Variants in ARHGAP6 observed in about 807,000 individuals in gnomAD.
The protein encoded by ARHGAP6 is rho GTPase-activating protein 6.
Under a neutral mutation model 55.7 loss-of-function variants are expected in ARHGAP6, and 16 were observed. The ratio of observed to expected loss-of-function variants is 0.29; its 90% CI spans 0.19 to 0.44. The LOEUF is 0.44. ARHGAP6 is among the 20% of genes least tolerant of loss of function. ARHGAP6 has a pLI of 1.00. For synonymous variants in ARHGAP6, 382 were observed against 360.9 expected (o/e 1.06, Z -0.66); for missense variants, 698 against 808.9 (o/e 0.86, Z 1.66).
At chrX:11,402,880 C>T (rs1451173930) in intron 1 of ARHGAP6, among the ~76,000 whole-genome samples, 2 of 111,390 alleles carry the variant, frequency 1.8e-5, no homozygotes, top group Non-Finnish European at 3.8e-5. Context: ...TATGTAACTC[C>T]AGATGAAGAT....
At chrX:11,189,335 C>T (rs1312291210) in intron 3 of ARHGAP6, among the ~76,000 whole-genome samples, 2 of 111,834 alleles carry the variant, frequency 1.8e-5, no homozygotes, top group Non-Finnish European at 3.8e-5. Context: ...AGTCCTTTCT[C>T]CTGAGGTGTT....
At position 11,138,558 on chromosome X, in the gene ARHGAP6, G is replaced by A. The variant is rs1480358730; in HGVS notation, c.*305C>T. On this transcript the variant is annotated 3_prime_UTR_variant, in exon 13 of 13. Transcript: ENST00000337414. The stretch of plus-strand genomic sequence containing the variant: ...TCAAAACCGAAGACACATAAATACG[G>A]TTAGGCTATACCAAGCAAGAGTTGT... 3 of 340,000 alleles carry A rather than the reference G, an allele frequency of 8.8e-6. No homozygotes were observed. Among genetic ancestry groups the A allele is most frequent in the Non-Finnish European group, 5.0e-6 (1 of 198,232 alleles). The allele number at this position is 340,000 out of a possible 1,213,427, so 28.0% of individuals were successfully genotyped here.
intron 10 of ARHGAP6, among the ~76,000 whole-genome samples, chrX:11,153,158 T>C (rs764442600): frequency 8.1e-5 from 9 of 111,748 alleles, no homozygotes; most frequent in African/African-American, 2.9e-4. Flanking sequence ...TTCAGATTCA[T>C]AGACTACCTC....
chrX:11,419,159 C>A (rs1175133314), intron 1 of ARHGAP6, among the ~76,000 whole-genome samples: 1 of 112,223 alleles, frequency 8.9e-6, no homozygotes, highest in African/African-American at 3.2e-5. Context: ...GCCAAGGCTG[C>A]AAGTCAGTGG....
At chrX:11,466,706 G>A (rs2050296815) in intron 1 of ARHGAP6, among the ~76,000 whole-genome samples, 1 of 111,078 alleles carries the variant, frequency 9.0e-6, no homozygotes, top group Admixed American at 9.6e-5. Flanking sequence ...GTCTCTCTAT[G>A]TTGCCCACAC....
intron 2 of ARHGAP6, among the ~76,000 whole-genome samples, chrX:11,242,469 A>T (rs770489862): frequency 9.0e-6 from 1 of 111,710 alleles, no homozygotes; most frequent in East Asian, 2.8e-4. Context: ...CAAAGCTTTC[A>T]GCACATGTCT....
intron 1 of ARHGAP6, chrX:11,298,757 C>T (rs989305082): frequency 8.3e-7 from 1 of 1,211,071 alleles, no homozygotes; most frequent in Admixed American, 2.2e-5. Flanking sequence ...ACCAGCCAAA[C>T]CTCCCTCCGC....
intron 12 of ARHGAP6, among the ~76,000 whole-genome samples, chrX:11,141,262 A>C (rs1031817464): frequency 8.9e-6 from 1 of 112,287 alleles, no homozygotes; most frequent in African/African-American, 3.2e-5. Flanking sequence ...ATGAAATGAC[A>C]TTAAAAAGAA....
chrX:11,386,154 G>C (rs2049325773), intron 1 of ARHGAP6, among the ~76,000 whole-genome samples: 1 of 113,046 alleles, frequency 8.8e-6, no homozygotes, highest in African/African-American at 3.2e-5. Flanking sequence ...ACACTTTGCT[G>C]AGTTGTGGGA....
At chrX:11,404,673 G>C (rs1327986694) in intron 1 of ARHGAP6, among the ~76,000 whole-genome samples, 3 of 111,368 alleles carry the variant, frequency 2.7e-5, no homozygotes, top group African/African-American at 9.8e-5. Flanking sequence ...AAAGGATACT[G>C]CTTTGGGTAA....
At chrX:11,263,406 A>G (rs188208937) in intron 1 of ARHGAP6, among the ~76,000 whole-genome samples, 10 of 111,602 alleles carry the variant, frequency 9.0e-5, no homozygotes, top group African/African-American at 3.3e-4. Context: ...TTCTTTATAA[A>G]TTACGCAGTC....
chrX:11,293,321 GT>G (rs1357351099), intron 1 of ARHGAP6: 1 of 111,758 alleles, frequency 8.9e-6, no homozygotes, highest in Non-Finnish European at 1.9e-5. Flanking sequence ...GGGATTTTTA[GT>G]TATACTCAAC....
intron 1 of ARHGAP6, among the ~76,000 whole-genome samples, chrX:11,500,967 G>T (rs1400958623): frequency 9.1e-6 from 1 of 110,358 alleles, no homozygotes; most frequent in Non-Finnish European, 1.9e-5. Context: ...CGTGGTTGTT[G>T]GCAAGGTTTT....
chrX:11,171,349 A>AACTT (rs1398812708), intron 8 of ARHGAP6, among the ~76,000 whole-genome samples: 2 of 109,335 alleles, frequency 1.8e-5, no homozygotes, highest in Non-Finnish European at 3.8e-5. Flanking sequence ...ATTATTTTGT[A>AACTT]ACTTGCTTAC....
At chrX:11,226,255 C>T (rs1320029185) in intron 2 of ARHGAP6, among the ~76,000 whole-genome samples, 6 of 107,468 alleles carry the variant, frequency 5.6e-5, no homozygotes, top group Non-Finnish European at 1.1e-4. Flanking sequence ...TGGTTTTCGT[C>T]CTTGCGATAG....
At chrX:11,575,985 A>G (rs992753481) in intron 1 of ARHGAP6, among the ~76,000 whole-genome samples, 4 of 112,234 alleles carry the variant, frequency 3.6e-5, no homozygotes, top group Non-Finnish European at 7.5e-5. Context: ...TTCTTTCCGT[A>G]TATTTCACAG....
intron 1 of ARHGAP6, among the ~76,000 whole-genome samples, chrX:11,589,060 T>G (rs1003379443): frequency 7.4e-5 from 8 of 108,466 alleles, no homozygotes; most frequent in African/African-American, 2.7e-4. Flanking sequence ...TTTTTTTTTT[T>G]GAGACGAGTC....
chrX:11,658,681 G>T (rs1038162989), intron 1 of ARHGAP6, among the ~76,000 whole-genome samples: 1 of 102,100 alleles, frequency 9.8e-6, no homozygotes, highest in African/African-American at 3.6e-5. Context: ...TCATTTTTTT[G>T]AATTTCAAAG....
At chrX:11,275,829 C>T (rs1481315210) in intron 1 of ARHGAP6, among the ~76,000 whole-genome samples, 1 of 111,412 alleles carries the variant, frequency 9.0e-6, no homozygotes, top group Non-Finnish European at 1.9e-5. Context: ...AAATGGCTTC[C>T]CCATGCCTTC....
Sources: allele counts gnomAD v4.1 joint callset (sites outside exome capture counted in the v4.1 genomes callset), GRCh38; gene constraint gnomAD v4.1.1; transcripts MANE v1.5; gene names NCBI Gene and HGNC (gene_info 2026-07-23, HGNC 2026-07-21).